The following DNM2 variants were observed in gnomAD, a reference collection of about 807,000 sequenced individuals.
The protein encoded by DNM2 is dynamin-2.
A neutral mutation model predicts 99.0 loss-of-function variants in DNM2; 15 were observed. The observed-to-expected ratio is 0.15, with a 90% CI of 0.10 to 0.23. The LOEUF is 0.23. DNM2 is among the 10% of genes least tolerant of loss of function. The pLI, the probability that DNM2 is intolerant of heterozygous loss-of-function variation, is 1.00. For missense variants in DNM2, 742 were observed against 1,189.4 expected (o/e 0.62, Z 5.53); for synonymous variants, 525 against 481.2 (o/e 1.09, Z -1.19).
chr19:10,746,227 C>T (rs750119421), intron 1 of DNM2, among the ~76,000 whole-genome samples: 8 of 152,046 alleles, frequency 5.3e-5, no homozygotes, highest in Admixed American at 1.3e-4. Flanking sequence ...TTCCAAAGTG[C>T]TGGCATTACA....
In DNM2 at chr19:10,816,658, G is replaced by T. The variant is rs2072752098; in HGVS notation, c.1672-3322G>T. 6.6e-6 allele frequency among the ~76,000 whole-genome samples: 1 copy of T among 152,174 alleles called. No individual in the cohort carries two copies. The highest frequency in any genetic ancestry group is 1.5e-5 in the Non-Finnish European group (1 of 68,026). ...TGCGCTGTGGTGTGTGGGCTGTCAG[G>T]CCGGCTGAGAGCTGGTGCCCTGCCT... On this transcript the variant is annotated intron_variant, in intron 15 of 20. Transcript: ENST00000389253. This position sits in a 1 kb window ranked among gnomAD's most constrained non-coding sequence, Gnocchi z 4.6.
intron 10 of DNM2, among the ~76,000 whole-genome samples, 158 bp downstream of exon 10, chr19:10,797,676 A>C (rs2071986656): frequency 6.6e-6 from 1 of 152,248 alleles, no homozygotes; most frequent in African/African-American, 2.4e-5. Context: ...GGCAGATGGA[A>C]TGGGGGGAGT....
At chr19:10,802,379 G>C in intron 12 of DNM2, 21 bp downstream of exon 12, 1 of 1,613,760 alleles carries the variant, frequency 6.2e-7, no homozygotes, top group African/African-American at 1.3e-5. Flanking sequence ...TTAGAGACTG[G>C]CTGGTCGGGC....
At chr19:10,826,941 A>G (rs1332848554) in intron 18 of DNM2, among the ~76,000 whole-genome samples, 1 of 151,756 alleles carries the variant, frequency 6.6e-6, no homozygotes, top group Admixed American at 6.6e-5. Context: ...AAACCTGCGG[A>G]TCTAAGTAAA....
chr19:10,793,634 A>T (rs993163828), intron 7 of DNM2, 86 bp from the exon 8 acceptor site: 49 of 1,612,468 alleles, frequency 3.0e-5, no homozygotes, highest in Non-Finnish European at 3.6e-5. Context: ...GTAAAAGAAC[A>T]GTAAACCCTG....
rs1161162949 is a variant in DNM2 at position 10,793,618 on chromosome 19, A to C, written c.993-102A>C. 3 of 1,609,200 alleles carry C rather than the reference A, an allele frequency of 1.9e-6. No individual in the cohort carries two copies. In the Admixed American group the frequency reaches 5.0e-5, roughly 27 times the overall value. The stretch of plus-strand genomic sequence containing the variant: ...TAGACAGAAGACATTTTGCTGCTGA[A>C]AAATGGTAAAAGAACAGTAAACCCT... On this transcript the variant is annotated intron_variant, in intron 7 of 20. Transcript: ENST00000389253.
At chr19:10,774,210 C>T (rs2145918332) in intron 3 of DNM2, among the ~76,000 whole-genome samples, 1 of 152,286 alleles carries the variant, frequency 6.6e-6, no homozygotes, top group Admixed American at 6.5e-5. Context: ...AAGGCTGAGT[C>T]AGGAGGGTCA....
At chr19:10,722,184 G>A (rs1199674828) in intron 1 of DNM2, among the ~76,000 whole-genome samples, 3 of 152,064 alleles carry the variant, frequency 2.0e-5, no homozygotes, top group South Asian at 2.1e-4. Flanking sequence ...TAATGGCTTC[G>A]ATTTCAGAAG....
rs1258254167 is a variant in DNM2 at position 10,831,747 on chromosome 19, G to A, written c.*700G>A. 5.1e-6 allele frequency: 5 copies of A among 986,338 alleles called. No individual in the cohort carries two copies. Among genetic ancestry groups the A allele is most frequent in the Non-Finnish European group, 6.0e-6 (5 of 830,514 alleles). The allele number at this position is 986,338 out of a possible 1,614,324, so 61.1% of individuals were successfully genotyped here. On this transcript the variant is annotated 3_prime_UTR_variant, in exon 21 of 21. Coordinates refer to ENST00000389253, the MANE Select transcript of DNM2 (RefSeq NM_001005361.3). The surrounding 1 kb of genome is among the most constrained non-coding windows in gnomAD (Gnocchi z 4.3). ...GGTGGTGGTGGCGGGGGGTCTTGGG[G>A]GCCTCTCAGCTCCCGCCCATGCCTC...
In DNM2 at chr19:10,774,783, T is replaced by A. The variant is rs189428175; in HGVS notation, c.386-920T>A. Among the ~76,000 whole-genome samples, 579 of 149,720 alleles carry A rather than the reference T, an allele frequency of 3.9e-3. 1 individual carries two copies. Among genetic ancestry groups the A allele is most frequent in the East Asian group, 0.032 (165 of 5,128 alleles). On this transcript the variant is annotated intron_variant, in intron 3 of 20. Coordinates refer to ENST00000389253, the MANE Select transcript of DNM2 (RefSeq NM_001005361.3). ...ATGTTTCTTTATTATATATTTATTT[T>A]TTTTTTTTTTTGAGACAGGGTTTAA... is the stretch of plus-strand genomic sequence containing the variant.
rs148318860 is a variant in DNM2, at chr19:10,759,731, C to A, written c.162-7C>A. On this transcript the variant is annotated splice_polypyrimidine_tract_variant and splice_region_variant and intron_variant, in intron 1 of 20. Coordinates refer to ENST00000389253, the MANE Select transcript of DNM2 (RefSeq NM_001005361.3). The stretch of plus-strand genomic sequence containing the variant: ...GAGTAATTTCTGTCCCTCTCCCCCC[C>A]TCACAGGGACTTCCTTCCCCGCGGT... 776 of 1,614,172 alleles carry A rather than the reference C, an allele frequency of 4.8e-4. 6 individuals are homozygous for A. In the African/African-American group the frequency reaches 9.0e-3, roughly 19 times the overall value.
chr19:10,779,516 T>C (rs1287851639), intron 5 of DNM2, among the ~76,000 whole-genome samples: 1 of 129,710 alleles, frequency 7.7e-6, no homozygotes, highest in East Asian at 2.2e-4. Flanking sequence ...TTTTTTTTTT[T>C]TTTTTTTTTT....
chr19:10,759,578 C>T (rs1309840125), intron 1 of DNM2, 160 bp from the exon 2 acceptor site: 1 of 819,074 alleles, frequency 1.2e-6, no homozygotes, highest in Non-Finnish European at 2.1e-6. Flanking sequence ...GGCCTCAGGA[C>T]CCTCCAAGAC....
chr19:10,805,928 G>A lies in DNM2; in HGVS notation c.1506G>A (p.Arg502=). ...TCTTTGGTTTCAGTGCCCAGCAGAG[G>A]AGCACGCAGCTGAACAAGAAGAGAG... ...DFIGFANAQQ[R]STQLNKKRAI... Residue 502 remains arginine, a synonymous_variant, in exon 13 of 21, where the codon AGG becomes AGA. Coordinates refer to ENST00000389253, the MANE Select transcript of DNM2 (RefSeq NM_001005361.3). 4.3e-6 allele frequency: 7 copies of A among 1,614,096 alleles called. No individual in the cohort carries two copies. Among genetic ancestry groups the A allele is most frequent in the Non-Finnish European group, 5.9e-6 (7 of 1,180,030 alleles).
At chr19:10,742,913 C>CT (rs61431112) in intron 1 of DNM2, among the ~76,000 whole-genome samples, 2,343 of 133,780 alleles carry the variant, frequency 0.018, 28 homozygotes, top group Non-Finnish European at 0.025. Flanking sequence ...GTTTTTCTTT[C>CT]TTTTTTTTTT....
intron 12 of DNM2, chr19:10,803,525 C>CA (rs1167530521): frequency 8.0e-6 from 6 of 749,818 alleles, no homozygotes; most frequent in African/African-American, 1.9e-5. Context: ...CTGTTTTCCT[C>CA]ACCTTGATGT....
In DNM2 at chr19:10,806,391, G is replaced by A. The variant is rs879726830; in HGVS notation, c.1545+424G>A. ...TATTTAAAAATTACCTGGGAGTGGT[G>A]GGCTCATGCCTATCACCCCAGCTAC... On this transcript the variant is annotated intron_variant, in intron 13 of 20. Transcript: ENST00000389253. 4.0e-5 allele frequency among the ~76,000 whole-genome samples: 6 copies of A among 151,796 alleles called. No individual in the cohort carries two copies. The South Asian group carries it at 1.0e-3, about 26-fold the overall frequency.
At chr19:10,803,464 C>A (rs540018248) in intron 12 of DNM2, among the ~76,000 whole-genome samples, 11 of 152,326 alleles carry the variant, frequency 7.2e-5, no homozygotes, top group Non-Finnish European at 8.8e-5. Context: ...GTGCTCCCGG[C>A]CGCCGGGTGT....
chr19:10,765,974 T>C lies in DNM2; in HGVS notation c.235+6163T>C, dbSNP rs1313387242. Among the ~76,000 whole-genome samples the C allele has an allele frequency of 6.6e-6, 1 of 152,218 alleles. No homozygotes were observed. ...CTGAGACTAACAGCTGAGCCGTGTTTGTGCTCCTGATGGGATTTGATCGCA... is the reference window on the plus strand; with the variant it reads ...CTGAGACTAACAGCTGAGCCGTGTTCGTGCTCCTGATGGGATTTGATCGCA... On this transcript the variant is annotated intron_variant, in intron 2 of 20. Transcript: ENST00000389253. This position sits in a 1 kb window ranked among gnomAD's most constrained non-coding sequence, Gnocchi z 4.4.
Sources: gnomAD v4.1 joint callset for allele counts (sites outside exome capture counted in the v4.1 genomes callset) on GRCh38, gnomAD v4.1.1 for gene constraint, Gnocchi (gnomAD v3.1) non-coding constraint, MANE v1.5 for transcripts, NCBI Gene and HGNC (gene_info 2026-07-23, HGNC 2026-07-21) for gene names.